AUTS2: variants seen among roughly 807,000 people sequenced by gnomAD.
AUTS2 encodes the protein autism susceptibility gene 2 protein.
In AUTS2, 17 loss-of-function variants were observed where a neutral mutation model predicts 112.4. The ratio of observed to expected loss-of-function variants is 0.15; its 90% confidence interval spans 0.10 to 0.23. The LOEUF is 0.23. Among genes scored for constraint, AUTS2 ranks in the 10% least tolerant of loss-of-function variants. AUTS2 has a pLI of 1.00. For synonymous variants in AUTS2, 751 were observed against 702.7 expected (o/e 1.07, Z -1.09); for missense variants, 1,510 against 1,701.6 (o/e 0.89, Z 1.98).
chr7:69,658,075 T>A (rs1000685277), intron 1 of AUTS2, among the ~76,000 whole-genome samples: 1 of 152,262 alleles, frequency 6.6e-6, no homozygotes, highest in South Asian at 2.1e-4. Flanking sequence ...GTGAAAATTA[T>A]GTGGAATTTG....
intron 5 of AUTS2, among the ~76,000 whole-genome samples, chr7:70,500,182 A>C (rs1414430875): frequency 6.6e-6 from 1 of 151,878 alleles, no homozygotes; most frequent in African/African-American, 2.4e-5. Context: ...CAAAAAAAAA[A>C]AAAAACAAAA....
chr7:69,713,083 G>A (rs564975404), intron 1 of AUTS2, among the ~76,000 whole-genome samples: 22 of 152,114 alleles, frequency 1.4e-4, no homozygotes, highest in African/African-American at 5.3e-4. Flanking sequence ...TTCTTATTGA[G>A]TTTCAAGAGC....
At chr7:70,687,608 C>A (rs1240277036) in intron 5 of AUTS2, among the ~76,000 whole-genome samples, 2 of 152,048 alleles carry the variant, frequency 1.3e-5, no homozygotes, top group African/African-American at 4.8e-5. Context: ...TAAACTAATC[C>A]AGTTCAGTTT....
At chr7:70,651,599 A>G (rs1806510976) in intron 5 of AUTS2, among the ~76,000 whole-genome samples, 1 of 152,164 alleles carries the variant, frequency 6.6e-6, no homozygotes, top group Non-Finnish European at 1.5e-5. Flanking sequence ...ATCTCATGTA[A>G]TTTATTGAAT....
Position 70,774,332 on chromosome 7 carries a change from G to T in AUTS2, c.1902+233G>T, listed in dbSNP as rs1269027920. On this transcript the variant is annotated intron_variant, in intron 12 of 18. Coordinates refer to ENST00000342771, the MANE Select transcript of AUTS2 (RefSeq NM_015570.4). ...CTTGCCGATGGGAGAAAAGAGGAAT[G>T]AGTTACGGTCTGAGCCCAGAAATTG... The T allele has an allele frequency of 5.6e-6, 3 of 536,130 alleles. No homozygotes were observed. The East Asian group carries it at 8.9e-5, about 16-fold the overall frequency. 33.2% of individuals were successfully genotyped at this position (536,130 alleles called of 1,614,324 possible).
At chr7:70,615,569 T>C (rs1354389364) in intron 5 of AUTS2, among the ~76,000 whole-genome samples, 1 of 81,226 alleles carries the variant, frequency 1.2e-5, no homozygotes, top group Non-Finnish European at 3.0e-5. Flanking sequence ...TTATGGCTTG[T>C]TGTTGTTGTT....
At chr7:70,428,929 G>A (rs569964483) in intron 4 of AUTS2, among the ~76,000 whole-genome samples, 9 of 152,246 alleles carry the variant, frequency 5.9e-5, no homozygotes, top group African/African-American at 9.6e-5. Context: ...CACAGATACC[G>A]AGATTCCCAA....
chr7:69,843,867 A>G (rs182532876), intron 1 of AUTS2, among the ~76,000 whole-genome samples: 2 of 152,294 alleles, frequency 1.3e-5, no homozygotes, highest in East Asian at 3.9e-4. Context: ...AACTAAGAAG[A>G]TAAGATGTGA....
At chr7:69,680,819 G>A (rs887074454) in intron 1 of AUTS2, among the ~76,000 whole-genome samples, 2 of 152,002 alleles carry the variant, frequency 1.3e-5, no homozygotes, top group South Asian at 2.1e-4. Context: ...ACGGGCTCGC[G>A]CCACCATACC....
chr7:69,972,676 T>C (rs954722444), intron 2 of AUTS2, among the ~76,000 whole-genome samples: 3 of 126,414 alleles, frequency 2.4e-5, no homozygotes, highest in African/African-American at 8.0e-5. Flanking sequence ...CGTGCATGTG[T>C]GTGTGTGTGT....
intron 2 of AUTS2, among the ~76,000 whole-genome samples, chr7:70,063,742 C>T (rs530563037): frequency 1.9e-4 from 29 of 152,182 alleles, no homozygotes; most frequent in Non-Finnish European, 3.4e-4. Context: ...TTGAAAAGAA[C>T]ACCGCGAAAA....
chr7:69,666,785 A>G (rs377198317), intron 1 of AUTS2, among the ~76,000 whole-genome samples: 29 of 152,140 alleles, frequency 1.9e-4, no homozygotes, highest in African/African-American at 6.3e-4. Context: ...ACCTATAGTC[A>G]TAGCTAGTCG....
intron 1 of AUTS2, among the ~76,000 whole-genome samples, chr7:69,695,159 C>CA (rs1240547259): frequency 4.0e-5 from 6 of 151,078 alleles, no homozygotes; most frequent in Non-Finnish European, 4.4e-5. Context: ...TCCATTTCTA[C>CA]AAAAAAAGAA....
At chr7:69,636,465 C>T (rs922924150) in intron 1 of AUTS2, among the ~76,000 whole-genome samples, 2 of 128,518 alleles carry the variant, frequency 1.6e-5, no homozygotes, top group African/African-American at 5.9e-5. Flanking sequence ...GAACTCCTGA[C>T]CTCAAGTGAT....
intron 4 of AUTS2, among the ~76,000 whole-genome samples, chr7:70,352,828 A>C (rs1791828887): frequency 6.6e-6 from 1 of 152,226 alleles, no homozygotes; most frequent in South Asian, 2.1e-4. Flanking sequence ...TACTTTAGGT[A>C]GGTAGGCATG....
intron 5 of AUTS2, among the ~76,000 whole-genome samples, chr7:70,629,316 C>G (rs749767160): frequency 6.6e-5 from 10 of 151,976 alleles, no homozygotes; most frequent in Non-Finnish European, 1.2e-4. Flanking sequence ...ACTAAAAATA[C>G]AAAAAATTAG....
chr7:70,468,182 CT>C (rs1797241630), intron 5 of AUTS2, among the ~76,000 whole-genome samples: 1 of 152,182 alleles, frequency 6.6e-6, no homozygotes, highest in South Asian at 2.1e-4. Context: ...GTGACCCAGA[CT>C]AGGAGCATTG....
At chr7:70,426,585 TGAAA>T (rs1317209931) in intron 4 of AUTS2, among the ~76,000 whole-genome samples, 1 of 152,092 alleles carries the variant, frequency 6.6e-6, no homozygotes, top group Non-Finnish European at 1.5e-5. Flanking sequence ...AGATGAGAAG[TGAAA>T]GAGAGCAGTT....
At chr7:70,194,414 AAAT>A (rs1434672899) in intron 4 of AUTS2, among the ~76,000 whole-genome samples, 1 of 152,196 alleles carries the variant, frequency 6.6e-6, no homozygotes, top group East Asian at 1.9e-4. Context: ...TCTCAAAAAT[AAAT>A]AAATAAATAA....
Sources: gnomAD v4.1 joint callset for allele counts (sites outside exome capture counted in the v4.1 genomes callset) on GRCh38, gnomAD v4.1.1 for gene constraint, MANE v1.5 for transcripts, NCBI Gene and HGNC (gene_info 2026-07-23, HGNC 2026-07-21) for gene names.